F13B: variants seen among roughly 807,000 people sequenced by gnomAD.
F13B encodes coagulation factor XIII B chain, also known as TGase.
F13B carries 58 observed loss-of-function variants against 79.8 expected under a neutral mutation model. That is an observed-to-expected ratio of 0.73 (90% CI 0.59 to 0.90). The LOEUF is 0.90. Ranked by LOEUF, F13B falls within the 40% of genes least tolerant of loss-of-function variation. The pLI, the probability that F13B is intolerant of heterozygous loss-of-function variation, is 0.00. For missense variants in F13B, 773 were observed against 777.0 expected, an observed-to-expected ratio of 0.99 and a Z score of 0.06; for synonymous variants, 283 against 260.3, an observed-to-expected ratio of 1.09 and a Z score of -0.84.
intron 7 of F13B, 61 bp from the exon 8 acceptor site, chr1:197,055,958 A>G (rs949222890): frequency 1.7e-5 from 21 of 1,235,784 alleles, no homozygotes; most frequent in East Asian, 1.2e-4. Flanking sequence ...ATAGTAACTC[A>G]TACTATAGTG....
In F13B at chr1:197,062,906, C is replaced by T. The variant is rs751683242; in HGVS notation, c.216G>A (p.Glu72=). Residue 72 remains glutamate, a synonymous_variant, in exon 2 of 12, where the codon GAG becomes GAA. Coordinates refer to ENST00000367412, the MANE Select transcript of F13B (RefSeq NM_001994.3). ...AGCCTTCTGTTGTACACGTGGTTTG[C>T]TCTTCTTGTCTTCCACTTTCAGTGG... is the stretch of plus-strand genomic sequence containing the variant. ...GYTTESGRQE[E]QTTCTTEGWS... is the part of the protein sequence containing the mutation. The T allele has an allele frequency of 9.9e-5, 159 of 1,613,736 alleles. No individual in the cohort carries two copies. The highest frequency in any genetic ancestry group is 1.3e-4 in the Non-Finnish European group (151 of 1,179,832).
intron 10 of F13B, among the ~76,000 whole-genome samples, chr1:197,042,024 T>C (rs989541825): frequency 6.6e-6 from 1 of 152,212 alleles, no homozygotes; most frequent in Non-Finnish European, 1.5e-5. Flanking sequence ...TTTATTATAC[T>C]ACTAAGTGCA....
intron 5 of F13B, among the ~76,000 whole-genome samples, chr1:197,058,614 A>G (rs1655732062): frequency 6.6e-6 from 1 of 152,024 alleles, no homozygotes; most frequent in East Asian, 1.9e-4. Context: ...TCTGCAGTCA[A>G]TCTCCCTCTG....
intron 3 of F13B, 129 bp from the exon 4 acceptor site, chr1:197,061,204 GC>G: frequency 1.9e-6 from 1 of 514,688 alleles, no homozygotes; most frequent in South Asian, 3.3e-5. Flanking sequence ...TTGAAAAATA[GC>G]CCCAATTTTT....
At position 197,040,569 on chromosome 1, in the gene F13B, T is replaced by C. The variant is rs187071483; in HGVS notation, c.1905A>G (p.Gln635=). The C allele has an allele frequency of 1.6e-5, 26 of 1,613,186 alleles. No homozygotes were observed. Among genetic ancestry groups the C allele is most frequent in the Non-Finnish European group, 1.8e-5 (21 of 1,179,460 alleles). Residue 635 remains glutamine, a synonymous_variant, in exon 11 of 12, where the codon CAA becomes CAG. Coordinates refer to ENST00000367412, the MANE Select transcript of F13B (RefSeq NM_001994.3). ...LYITGSILRM[Q]CDRGQLKYPR... ...GATATTTTAACTGCCCTCTGTCACATTGCATTCTAAGTATAGATCCAGTAA... is the reference window on the plus strand; with the variant it reads ...GATATTTTAACTGCCCTCTGTCACACTGCATTCTAAGTATAGATCCAGTAA...
At chr1:197,045,634 G>C (rs1655200909) in intron 10 of F13B, among the ~76,000 whole-genome samples, 1 of 152,206 alleles carries the variant, frequency 6.6e-6, no homozygotes, top group Non-Finnish European at 1.5e-5. Flanking sequence ...AATAGAAAAA[G>C]AGGGAATCCT....
At chr1:197,064,742 C>T (rs570222373) in intron 1 of F13B, among the ~76,000 whole-genome samples, 1 of 152,098 alleles carries the variant, frequency 6.6e-6, no homozygotes, top group African/African-American at 2.4e-5. Context: ...CCAAATAAAA[C>T]ATATATTTTA....
chr1:197,039,157 C>A lies in F13B; in HGVS notation c.*221G>T. ...AGATTAATTTGTAACAGATGGAAGA[C>A]ATACAAAAGAGATTAAGTTCTACAT... On this transcript the variant is annotated 3_prime_UTR_variant, in exon 12 of 12. Transcript: ENST00000367412. 2 of 495,828 alleles carry A rather than the reference C, an allele frequency of 4.0e-6. No individual in the cohort carries two copies. The highest frequency in any genetic ancestry group is 2.8e-5 in the South Asian group (1 of 35,594). The allele number at this position is 495,828 out of a possible 1,614,324, so 30.7% of individuals were successfully genotyped here.
intron 5 of F13B, among the ~76,000 whole-genome samples, chr1:197,059,650 C>G (rs960146603): frequency 2.6e-5 from 4 of 152,216 alleles, no homozygotes; most frequent in African/African-American, 9.6e-5. Flanking sequence ...CAATCAGAAT[C>G]TCTAATGTTT....
chr1:197,056,873 C>T (rs1276303152), intron 7 of F13B, 140 bp downstream of exon 7: 2 of 764,540 alleles, frequency 2.6e-6, no homozygotes, highest in Non-Finnish European at 2.2e-6. Flanking sequence ...ACATGCAAAG[C>T]AGAAGAGTAG....
At chr1:197,056,269 C>T (rs949190602) in intron 7 of F13B, among the ~76,000 whole-genome samples, 2 of 152,130 alleles carry the variant, frequency 1.3e-5, no homozygotes, top group African/African-American at 4.8e-5. Context: ...TCCTCTTCAT[C>T]TCAGGTCTCA....
rs149466650 is a variant in F13B at position 197,055,752 on chromosome 1, G to A, written c.1317C>T (p.Cys439=). The stretch of plus-strand genomic sequence containing the variant: ...GTGGGGATGACCATTTTCCTTGTTC[G>A]CAACGAGATATTTTTGATCCCCTCA... ...YLLRGSKISR[C]EQGKWSSPPV... is the part of the protein sequence containing the mutation. Residue 439 remains cysteine (C), a synonymous_variant, in exon 8 of 12, where the codon TGC becomes TGT. Coordinates refer to ENST00000367412, the MANE Select transcript of F13B (RefSeq NM_001994.3). The A allele has an allele frequency of 1.1e-4, 173 of 1,613,092 alleles. No individual in the cohort carries two copies. The highest frequency in any genetic ancestry group is 1.3e-4 in the Non-Finnish European group (155 of 1,179,636).
chr1:197,064,280 C>T (rs1249998496), intron 1 of F13B, among the ~76,000 whole-genome samples: 2 of 151,936 alleles, frequency 1.3e-5, no homozygotes, highest in African/African-American at 4.8e-5. Flanking sequence ...CATGTACAAA[C>T]CATATTACCC....
chr1:197,044,740 T>C lies in F13B; in HGVS notation c.1739-4005A>G, dbSNP rs529982594. Reference sequence around the variant, plus strand: ...GCACCACACTGCACTTATTCCAAAATTGACCACATAACTGCAAGTAAAACA... The same window carrying C: ...GCACCACACTGCACTTATTCCAAAACTGACCACATAACTGCAAGTAAAACA... On this transcript the variant is annotated intron_variant, in intron 10 of 11. Coordinates refer to ENST00000367412, the MANE Select transcript of F13B (RefSeq NM_001994.3). Among the ~76,000 whole-genome samples, 20 of 152,210 alleles carry C rather than the reference T, an allele frequency of 1.3e-4. No homozygotes were observed. In the South Asian group the frequency reaches 3.1e-3, roughly 24 times the overall value.
In F13B at chr1:197,052,828, C is replaced by T. The variant is rs781560458; in HGVS notation, c.1361G>A (p.Cys454Tyr). ...GTTCATGTAATCCACATTAACAGTA[C>T]ATGGTTCTGTAAAACAAAATGCTCT... The part of the protein sequence containing the change: ...WSSPPVCLEP[C>Y]TVNVDYMNRN... The change falls in exon 9 of 12, where the codon TGT (cysteine) becomes TAT (tyrosine). Residue 454 changes from cysteine to tyrosine, a missense_variant. Coordinates refer to ENST00000367412, the MANE Select transcript of F13B (RefSeq NM_001994.3). The T allele has an allele frequency of 6.2e-7, 1 of 1,607,674 alleles. No homozygotes were observed. Among genetic ancestry groups the T allele is most frequent in the South Asian group, 1.1e-5 (1 of 90,736 alleles).
intron 8 of F13B, among the ~76,000 whole-genome samples, chr1:197,053,251 A>G (rs1655516599): frequency 6.6e-6 from 1 of 152,152 alleles, no homozygotes; most frequent in Non-Finnish European, 1.5e-5. Context: ...TATAATAAAG[A>G]CATGAATTGT....
chr1:197,040,771 G>A lies in F13B; in HGVS notation c.1739-36C>T, dbSNP rs959081263. The A allele has an allele frequency of 4.6e-6, 7 of 1,512,052 alleles. No individual in the cohort carries two copies. The Admixed American group carries it at 5.5e-5, about 12-fold the overall frequency. 93.7% of individuals were successfully genotyped at this position (1,512,052 alleles called of 1,614,324 possible). A position where few individuals can be genotyped will look rare whatever the true frequency, so the allele number is the denominator to read the frequency against. Reference sequence around the variant, plus strand: ...CAATTTAAAAAAAAAGAAAGAAAAAGAAGAAAACTATCTTGTTACATCTTG... The same window carrying A: ...CAATTTAAAAAAAAAGAAAGAAAAAAAAGAAAACTATCTTGTTACATCTTG... On this transcript the variant is annotated intron_variant, in intron 10 of 11. Transcript: ENST00000367412.
intron 1 of F13B, among the ~76,000 whole-genome samples, chr1:197,065,126 T>G (rs1162449099): frequency 6.6e-6 from 1 of 151,894 alleles, no homozygotes; most frequent in Admixed American, 6.6e-5. Context: ...ATAAAAAGAG[T>G]CTTCCAAAAT....
chr1:197,064,072 G>C (rs1159723064), intron 1 of F13B, among the ~76,000 whole-genome samples: 1 of 152,090 alleles, frequency 6.6e-6, no homozygotes, highest in Non-Finnish European at 1.5e-5. Context: ...AGCATTACTA[G>C]TCATCAGGGA....
Sources: gnomAD v4.1 joint callset for allele counts (sites outside exome capture counted in the v4.1 genomes callset) on GRCh38, gnomAD v4.1.1 for gene constraint, MANE v1.5 for transcripts, NCBI Gene and HGNC (gene_info 2026-07-23, HGNC 2026-07-21) for gene names.